Variants in EPHA6 observed in about 807,000 individuals in gnomAD.
EPHA6 encodes the protein ephrin type-A receptor 6.
A neutral mutation model predicts 112.0 loss-of-function variants in EPHA6; 50 were observed. That is an observed-to-expected ratio of 0.45 (90% confidence interval 0.36 to 0.56). EPHA6 has a LOEUF of 0.56. Ranked by LOEUF, EPHA6 falls within the 20% of genes least tolerant of loss-of-function variation. The pLI is 0.00. For synonymous variants in EPHA6, 529 were observed against 490.7 expected (o/e 1.08, Z -1.03); for missense variants, 1,280 against 1,417.4 (o/e 0.90, Z 1.56).
chr3:97,181,705 A>G (rs2076993154), intron 3 of EPHA6, among the ~76,000 whole-genome samples: 1 of 152,038 alleles, frequency 6.6e-6, no homozygotes, highest in Admixed American at 6.6e-5. Flanking sequence ...TTATTAGAGG[A>G]TTTGGCCAGT....
intron 2 of EPHA6, among the ~76,000 whole-genome samples, chr3:96,922,433 G>C (rs750848448): frequency 2.6e-5 from 4 of 151,944 alleles, no homozygotes; most frequent in African/African-American, 9.7e-5. Flanking sequence ...GACTGGATAG[G>C]TAAATTTGAA....
chr3:96,912,954 A>C (rs2039294082), intron 2 of EPHA6, among the ~76,000 whole-genome samples: 2 of 152,020 alleles, frequency 1.3e-5, no homozygotes, highest in Non-Finnish European at 2.9e-5. Context: ...AAAAAAATGT[A>C]ATATTGTTTA....
At chr3:97,243,005 C>T (rs539019597) in intron 4 of EPHA6, among the ~76,000 whole-genome samples, 1 of 151,776 alleles carries the variant, frequency 6.6e-6, no homozygotes, top group African/African-American at 2.4e-5. Context: ...GTTTAATGAA[C>T]ATTATAAAAC....
At chr3:97,550,539 A>T (rs2093015467) in intron 11 of EPHA6, among the ~76,000 whole-genome samples, 1 of 152,228 alleles carries the variant, frequency 6.6e-6, no homozygotes, top group South Asian at 2.1e-4. Context: ...CCTGAGAAGG[A>T]TCTTTGTTCA....
At chr3:97,424,922 G>A (rs2088985812) in intron 6 of EPHA6, among the ~76,000 whole-genome samples, 1 of 151,754 alleles carries the variant, frequency 6.6e-6, no homozygotes, top group South Asian at 2.1e-4. Flanking sequence ...AGAGGCTATA[G>A]GCCAATGCAA....
intron 3 of EPHA6, among the ~76,000 whole-genome samples, chr3:97,092,101 A>ATTTT (rs1559722636): frequency 1.1e-3 from 154 of 143,342 alleles, no homozygotes; most frequent in African/African-American, 3.7e-3. Flanking sequence ...TTTTTTTAAA[A>ATTTT]AAAAAAAGCA....
chr3:96,914,985 CA>C (rs2039414209), intron 2 of EPHA6, among the ~76,000 whole-genome samples: 1 of 149,388 alleles, frequency 6.7e-6, no homozygotes, highest in Admixed American at 6.6e-5. Flanking sequence ...AATCTTTTGT[CA>C]GTAGTAATTA....
intron 3 of EPHA6, among the ~76,000 whole-genome samples, chr3:97,129,823 G>A (rs1382538961): frequency 6.6e-6 from 1 of 152,184 alleles, no homozygotes; most frequent in Non-Finnish European, 1.5e-5. Flanking sequence ...GATTTCCACA[G>A]AAGGCAGGTC....
At chr3:96,901,328 A>T (rs1242217876) in intron 2 of EPHA6, among the ~76,000 whole-genome samples, 7 of 152,144 alleles carry the variant, frequency 4.6e-5, no homozygotes, top group Admixed American at 3.3e-4. Context: ...ATACCTACAA[A>T]GTTTTGGGGA....
chr3:96,980,042 G>C (rs1020843301), intron 2 of EPHA6, among the ~76,000 whole-genome samples: 8 of 152,164 alleles, frequency 5.3e-5, no homozygotes, highest in African/African-American at 1.2e-4. Flanking sequence ...CTGTGCAGAA[G>C]CTCTTGAGTT....
At chr3:97,609,418 C>G (rs771483435) in intron 12 of EPHA6, among the ~76,000 whole-genome samples, 1 of 151,248 alleles carries the variant, frequency 6.6e-6, no homozygotes, top group Non-Finnish European at 1.5e-5. Flanking sequence ...AGATCCCTGC[C>G]CACAAGAGTG....
At chr3:97,585,062 A>G (rs301967) in intron 11 of EPHA6, among the ~76,000 whole-genome samples, 151,965 of 152,292 alleles carry the variant, frequency 1, 75,820 homozygotes, top group Middle Eastern at 1. Flanking sequence ...CAGTAATTAA[A>G]AGTCCAAGTT....
intron 14 of EPHA6, among the ~76,000 whole-genome samples, chr3:97,697,554 T>A (rs2033120146): frequency 6.6e-6 from 1 of 152,194 alleles, no homozygotes; most frequent in Admixed American, 6.5e-5. Flanking sequence ...TTCAGGGTCA[T>A]GAAAGGCATT....
intron 6 of EPHA6, among the ~76,000 whole-genome samples, chr3:97,435,467 T>C (rs900053456): frequency 6.6e-6 from 1 of 152,074 alleles, no homozygotes; most frequent in African/African-American, 2.4e-5. Flanking sequence ...AAAGAAAACT[T>C]CCACAAATGA....
intron 11 of EPHA6, among the ~76,000 whole-genome samples, chr3:97,542,790 ACTGGTGTGAGATGG>A (rs2092882057): frequency 1.3e-5 from 2 of 152,146 alleles, no homozygotes; most frequent in African/African-American, 4.8e-5. Flanking sequence ...CGCCATTCTA[ACTGGTGTGAGATGG>A]TATCCCATTG....
At chr3:97,159,339 A>C (rs2076360617) in intron 3 of EPHA6, among the ~76,000 whole-genome samples, 1 of 152,118 alleles carries the variant, frequency 6.6e-6, no homozygotes, top group Non-Finnish European at 1.5e-5. Context: ...TGGTAGTCTT[A>C]ACTTCCAGTT....
chr3:97,044,084 A>C (rs2045420250), intron 3 of EPHA6, among the ~76,000 whole-genome samples: 1 of 152,188 alleles, frequency 6.6e-6, no homozygotes, highest in Non-Finnish European at 1.5e-5. Flanking sequence ...TATCCTTCAT[A>C]CATGTACAGA....
intron 11 of EPHA6, among the ~76,000 whole-genome samples, chr3:97,544,442 C>T (rs1311990656): frequency 1.3e-5 from 2 of 152,228 alleles, no homozygotes; most frequent in East Asian, 3.9e-4. Context: ...CGGATGAAGC[C>T]CACTTGATCA....
chr3:96,881,215 G>A (rs779071736), intron 2 of EPHA6, among the ~76,000 whole-genome samples: 1 of 152,018 alleles, frequency 6.6e-6, no homozygotes, highest in South Asian at 2.1e-4. Context: ...TTTTTTTAAT[G>A]TATGTAGAAA....
Sources: gnomAD v4.1 joint callset for allele counts (sites outside exome capture counted in the v4.1 genomes callset) on GRCh38, gnomAD v4.1.1 for gene constraint, MANE v1.5 for transcripts, NCBI Gene and HGNC (gene_info 2026-07-23, HGNC 2026-07-21) for gene names.